NOS1AP: variants seen among roughly 807,000 people sequenced by gnomAD.
NOS1AP encodes nitric oxide synthase 1 adaptor protein, also known as carboxyl-terminal PDZ ligand of neuronal nitric oxide synthase protein.
NOS1AP carries 21 observed loss-of-function variants against 56.2 expected under a neutral mutation model. The ratio of observed to expected loss-of-function variants is 0.37; its 90% confidence interval spans 0.26 to 0.54. The LOEUF (loss-of-function observed/expected upper bound fraction) is 0.54. NOS1AP is among the 20% of genes least tolerant of loss of function. NOS1AP has a pLI of 0.84. For missense variants in NOS1AP, 522 were observed against 657.8 expected (o/e 0.79, Z 2.26); for synonymous variants, 270 against 274.6 (o/e 0.98, Z 0.17).
In NOS1AP at chr1:162,117,619, G is replaced by C. The variant is rs190249425; in HGVS notation, c.106-36786G>C. ...CTCCTTGTCTTTCAGACATGCCACT[G>C]AGCACATTGGTGAACAAATGTATCA... On this transcript the variant is annotated intron_variant, in intron 1 of 9. Transcript: ENST00000361897. Among the ~76,000 whole-genome samples the C allele has an allele frequency of 2.0e-5, 3 of 152,304 alleles. No individual in the cohort carries two copies. In the East Asian group the frequency reaches 5.8e-4, roughly 29 times the overall value.
intron 2 of NOS1AP, among the ~76,000 whole-genome samples, chr1:162,272,135 A>G (rs1042229281): frequency 6.6e-6 from 1 of 152,086 alleles, no homozygotes; most frequent in Admixed American, 6.5e-5. Flanking sequence ...TACAGGCATG[A>G]GCCACCACTC....
intron 2 of NOS1AP, among the ~76,000 whole-genome samples, chr1:162,170,664 C>T (rs538135923): frequency 2.3e-4 from 35 of 152,266 alleles, no homozygotes; most frequent in African/African-American, 7.5e-4. Flanking sequence ...CGGTGGCTCA[C>T]GCCTGTAATC....
intron 2 of NOS1AP, among the ~76,000 whole-genome samples, chr1:162,174,712 A>G (rs1283863766): frequency 6.6e-6 from 1 of 152,228 alleles, no homozygotes; most frequent in Non-Finnish European, 1.5e-5. Flanking sequence ...AGTTGTTAGA[A>G]TTAATGAACT....
At chr1:162,250,650 G>A (rs1653819167) in intron 2 of NOS1AP, among the ~76,000 whole-genome samples, 1 of 152,186 alleles carries the variant, frequency 6.6e-6, no homozygotes, top group Non-Finnish European at 1.5e-5. Flanking sequence ...GCAGTTGAGG[G>A]AGCTGCTGTG....
intron 3 of NOS1AP, among the ~76,000 whole-genome samples, chr1:162,290,420 A>T (rs1261073322): frequency 1.3e-5 from 2 of 152,332 alleles, no homozygotes; most frequent in East Asian, 3.9e-4. Context: ...TGGTATCTTA[A>T]TGCTACCACC....
chr1:162,209,205 T>C (rs917402657), intron 2 of NOS1AP, among the ~76,000 whole-genome samples: 2 of 152,214 alleles, frequency 1.3e-5, no homozygotes, highest in Admixed American at 6.5e-5. Flanking sequence ...TGCTGGGGAA[T>C]GACTTCCAGA....
intron 1 of NOS1AP, among the ~76,000 whole-genome samples, chr1:162,152,548 C>G (rs143190346): frequency 1.3e-5 from 2 of 152,318 alleles, no homozygotes; most frequent in Non-Finnish European, 2.9e-5. Context: ...AAAATGTAAC[C>G]ACAGTTAAAT....
At chr1:162,249,644 G>A (rs1034212002) in intron 2 of NOS1AP, among the ~76,000 whole-genome samples, 1 of 152,200 alleles carries the variant, frequency 6.6e-6, no homozygotes, top group Non-Finnish European at 1.5e-5. Context: ...TTCAATGGTT[G>A]AATATGTGTT....
chr1:162,114,320 T>A (rs1647841327), intron 1 of NOS1AP, among the ~76,000 whole-genome samples: 1 of 151,956 alleles, frequency 6.6e-6, no homozygotes, highest in East Asian at 1.9e-4. Context: ...AAGTGCAACA[T>A]CTATAGGGCA....
At chr1:162,114,007 C>T (rs1263136141) in intron 1 of NOS1AP, among the ~76,000 whole-genome samples, 1 of 152,016 alleles carries the variant, frequency 6.6e-6, no homozygotes, top group Admixed American at 6.6e-5. Flanking sequence ...ACAATAACAA[C>T]AATGGGAGAA....
chr1:162,153,513 C>A (rs1205302008), intron 1 of NOS1AP, among the ~76,000 whole-genome samples: 1 of 152,148 alleles, frequency 6.6e-6, no homozygotes, highest in Non-Finnish European at 1.5e-5. Flanking sequence ...TCAAACTTGG[C>A]TAGATGAAAA....
At chr1:162,287,276 G>T in intron 2 of NOS1AP, 68 bp from the exon 3 acceptor site, 1 of 1,153,124 alleles carries the variant, frequency 8.7e-7, no homozygotes, top group Non-Finnish European at 1.3e-6. Flanking sequence ...GCATGGGCTA[G>T]CTGGGTCTGT....
Sources: allele counts gnomAD v4.1 joint callset (sites outside exome capture counted in the v4.1 genomes callset), GRCh38; gene constraint gnomAD v4.1.1; transcripts MANE v1.5; gene names NCBI Gene and HGNC (gene_info 2026-07-23, HGNC 2026-07-21).